Variants in CDH10 observed in about 807,000 individuals in gnomAD.
CDH10 encodes cadherin-10.
CDH10 carries 30 observed loss-of-function variants against 73.1 expected under a neutral mutation model. That is an observed-to-expected ratio of 0.41 (90% CI 0.31 to 0.56). The LOEUF is 0.56. Ranked by LOEUF, CDH10 falls within the 20% of genes least tolerant of loss-of-function variation. CDH10 has a pLI of 0.27. For missense variants in CDH10, 815 were observed against 973.7 expected, an observed-to-expected ratio of 0.84 and a Z score of 2.17; for synonymous variants, 345 against 348.2, an observed-to-expected ratio of 0.99 and a Z score of 0.10.
intron 7 of CDH10, among the ~76,000 whole-genome samples, chr5:24,509,133 T>C (rs1014883930): frequency 6.6e-6 from 1 of 151,810 alleles, no homozygotes; most frequent in Non-Finnish European, 1.5e-5. Flanking sequence ...GACTCTTGTA[T>C]CTTCCATCGC....
At chr5:24,599,252 C>T (rs1045141429) in intron 1 of CDH10, among the ~76,000 whole-genome samples, 4 of 152,002 alleles carry the variant, frequency 2.6e-5, no homozygotes, top group Admixed American at 1.3e-4. Flanking sequence ...TAAAGATGTT[C>T]GTATAAAAGC....
chr5:24,561,117 G>A (rs1343813131), intron 2 of CDH10, among the ~76,000 whole-genome samples: 1 of 152,078 alleles, frequency 6.6e-6, no homozygotes, highest in East Asian at 1.9e-4. Flanking sequence ...TCAATAAGCG[G>A]TAACCAGTAT....
intron 1 of CDH10, among the ~76,000 whole-genome samples, chr5:24,608,680 A>C (rs1746846516): frequency 6.6e-6 from 1 of 152,228 alleles, no homozygotes; most frequent in Non-Finnish European, 1.5e-5. Context: ...AACACATTTA[A>C]AAATTTTTAA....
intron 11 of CDH10, among the ~76,000 whole-genome samples, chr5:24,488,618 A>C (rs77266444): frequency 0.011 from 1,653 of 152,298 alleles, 32 homozygotes; most frequent in African/African-American, 0.037. Context: ...AAGCAACATC[A>C]TTCACAACAT....
intron 7 of CDH10, 60 bp downstream of exon 7, chr5:24,509,506 T>A (rs1742818332): frequency 6.5e-7 from 1 of 1,532,242 alleles, no homozygotes; most frequent in Admixed American, 1.8e-5. Context: ...CCCAAAGTGC[T>A]GGGATTACAG....
At chr5:24,515,330 A>AT (rs1200011196) in intron 5 of CDH10, among the ~76,000 whole-genome samples, 2 of 152,128 alleles carry the variant, frequency 1.3e-5, no homozygotes, top group Non-Finnish European at 2.9e-5. Flanking sequence ...GGAAAAGAAA[A>AT]TTCCAGTCTT....
intron 1 of CDH10, among the ~76,000 whole-genome samples, chr5:24,602,378 A>G (rs1392559331): frequency 1.3e-5 from 2 of 152,146 alleles, no homozygotes; most frequent in Non-Finnish European, 2.9e-5. Flanking sequence ...TTAAGCCACA[A>G]TCTGTAAACT....
intron 1 of CDH10, among the ~76,000 whole-genome samples, chr5:24,622,037 G>A (rs1237997009): frequency 3.3e-5 from 5 of 152,140 alleles, no homozygotes; most frequent in Admixed American, 6.5e-5. Flanking sequence ...CTCTTGCAAC[G>A]TCTTTGGCTT....
intron 7 of CDH10, among the ~76,000 whole-genome samples, chr5:24,508,941 T>A (rs143143908): frequency 6.6e-6 from 1 of 152,152 alleles, no homozygotes; most frequent in South Asian, 2.1e-4. Context: ...GGATCTGTAC[T>A]AGGGATCAGA....
At chr5:24,537,256 A>G (rs1471246907) in intron 3 of CDH10, 124 bp downstream of exon 3, 1 of 618,120 alleles carries the variant, frequency 1.6e-6, no homozygotes, top group Non-Finnish European at 2.7e-6. Flanking sequence ...GAAAAAATAA[A>G]TAAATATGTA....
intron 2 of CDH10, among the ~76,000 whole-genome samples, chr5:24,548,144 C>G (rs1404706170): frequency 1.3e-5 from 2 of 149,762 alleles, no homozygotes; most frequent in Non-Finnish European, 3.0e-5. Context: ...TTTTTTTTTT[C>G]TGAGACTGAA....
In CDH10 at chr5:24,540,386, A is replaced by T. The variant is rs1022307921; in HGVS notation, c.232-2712T>A. On this transcript the variant is annotated intron_variant, in intron 2 of 11. Coordinates refer to ENST00000264463, the MANE Select transcript of CDH10 (RefSeq NM_006727.5). ...TTAGACATGCAAAAAAGCTGCTAAG[A>T]TGGTGAGATTTTAATTTTTAGAAAG... 2.8e-4 allele frequency among the ~76,000 whole-genome samples: 43 copies of T among 151,990 alleles called. 1 individual carries two copies. Among genetic ancestry groups the T allele is most frequent in the Admixed American group, 2.8e-3 (43 of 15,232 alleles).
intron 5 of CDH10, among the ~76,000 whole-genome samples, chr5:24,524,971 T>C (rs976386667): frequency 6.6e-6 from 1 of 152,046 alleles, no homozygotes; most frequent in African/African-American, 2.4e-5. Context: ...ATTTGATCAA[T>C]AGGACCTTTG....
intron 1 of CDH10, among the ~76,000 whole-genome samples, chr5:24,618,293 A>T (rs923572649): frequency 6.6e-6 from 1 of 152,216 alleles, no homozygotes; most frequent in African/African-American, 2.4e-5. Flanking sequence ...CTTGTTACGA[A>T]GCAAAAGTTG....
intron 2 of CDH10, among the ~76,000 whole-genome samples, chr5:24,539,375 C>T (rs905849832): frequency 1.3e-5 from 2 of 151,436 alleles, no homozygotes; most frequent in African/African-American, 4.8e-5. Context: ...ATGAACTTGC[C>T]CCTGAAAACA....
At chr5:24,520,278 A>G (rs986649343) in intron 5 of CDH10, among the ~76,000 whole-genome samples, 1 of 152,176 alleles carries the variant, frequency 6.6e-6, no homozygotes, top group African/African-American at 2.4e-5. Context: ...ACACATCTCA[A>G]TGTAATATAA....
chr5:24,510,801 G>T (rs1368732567), intron 6 of CDH10, among the ~76,000 whole-genome samples: 1 of 152,208 alleles, frequency 6.6e-6, no homozygotes, highest in African/African-American at 2.4e-5. Flanking sequence ...ATAACAAACA[G>T]GTTACCTTTA....
At chr5:24,621,998 C>A (rs1319607476) in intron 1 of CDH10, among the ~76,000 whole-genome samples, 1 of 152,176 alleles carries the variant, frequency 6.6e-6, no homozygotes, top group Non-Finnish European at 1.5e-5. Context: ...AGAGGAAATG[C>A]AGATCCAAGT....
chr5:24,518,343 A>C (rs1334681880), intron 5 of CDH10, among the ~76,000 whole-genome samples: 1 of 152,176 alleles, frequency 6.6e-6, no homozygotes, highest in African/African-American at 2.4e-5. Flanking sequence ...AGAACAACAC[A>C]TCAAACGCAT....
Sources: allele counts gnomAD v4.1 joint callset (sites outside exome capture counted in the v4.1 genomes callset), GRCh38; gene constraint gnomAD v4.1.1; transcripts MANE v1.5; gene names NCBI Gene and HGNC (gene_info 2026-07-23, HGNC 2026-07-21).